PTPRE: variants seen among roughly 807,000 people sequenced by gnomAD.
PTPRE encodes receptor-type tyrosine-protein phosphatase epsilon.
In PTPRE, 51 loss-of-function variants were observed where a neutral mutation model predicts 102.0. That is an observed-to-expected ratio of 0.50 (90% confidence interval 0.40 to 0.63). PTPRE has a LOEUF of 0.63. Among genes scored for constraint, PTPRE ranks in the 30% least tolerant of loss-of-function variants. The pLI is 0.00. For synonymous variants in PTPRE, 345 were observed against 348.2 expected, an observed-to-expected ratio of 0.99 and a Z score of 0.10; for missense variants, 752 against 915.1, an observed-to-expected ratio of 0.82 and a Z score of 2.30.
In PTPRE at chr10:127,907,728, G is replaced by A. The variant is rs371392043; in HGVS notation, c.-31+419G>A. Among the ~76,000 whole-genome samples the A allele has an allele frequency of 6.6e-6, 1 of 152,162 alleles. No homozygotes were observed. Among genetic ancestry groups the A allele is most frequent in the East Asian group, 1.9e-4 (1 of 5,166 alleles). ...GGGCTGCGCCCACTCGAGGCTGGAG[G>A]CTGGAGCCTTTGAAGAAAGTGGCTC... is the stretch of plus-strand genomic sequence containing the variant. On this transcript the variant is annotated intron_variant, in intron 1 of 20. Coordinates refer to ENST00000254667, the MANE Select transcript of PTPRE (RefSeq NM_006504.6). The surrounding 1 kb of genome is among the most constrained non-coding windows in gnomAD (Gnocchi z 4.8).
intron 1 of PTPRE, among the ~76,000 whole-genome samples, chr10:127,943,004 C>T (rs1456321611): frequency 5.3e-5 from 8 of 152,164 alleles, no homozygotes; most frequent in Non-Finnish European, 1.0e-4. Context: ...GCCAGGAAAC[C>T]GGTGACTTTC....
rs1296014254 is a variant in PTPRE at position 128,070,351 on chromosome 10, G to A, written c.1194G>A (p.Gly398=). The A allele has an allele frequency of 3.1e-6, 5 of 1,614,018 alleles. No homozygotes were observed. The Admixed American group carries it at 5.0e-5, about 16-fold the overall frequency. ...YQALLEYYLY[G]DTELDVSSLE... The stretch of plus-strand genomic sequence containing the variant: ...CCTTACTCGAGTACTACCTCTACGG[G>A]GACACAGAGCTGGACGTGTCCTCCC... Residue 398 remains glycine, a synonymous_variant, in exon 14 of 21, where the codon GGG becomes GGA. Transcript: ENST00000254667. The surrounding 1 kb of genome is among the most constrained non-coding windows in gnomAD (Gnocchi z 4.8).
intron 2 of PTPRE, among the ~76,000 whole-genome samples, chr10:128,040,010 C>A (rs1281784575): frequency 6.6e-6 from 1 of 152,176 alleles, no homozygotes; most frequent in Non-Finnish European, 1.5e-5. Context: ...ATGAAAGAGC[C>A]TTTTTCTGTG....
Position 128,049,319 on chromosome 10 carries a change from C to T in PTPRE, c.284-211C>T, listed in dbSNP as rs371667489. Among the ~76,000 whole-genome samples, 324 of 152,204 alleles carry T rather than the reference C, an allele frequency of 2.1e-3. 2 individuals carry two copies. The highest frequency in any genetic ancestry group is 4.0e-3 in the Non-Finnish European group (273 of 68,000). On this transcript the variant is annotated intron_variant, in intron 5 of 20. Coordinates refer to ENST00000254667, the MANE Select transcript of PTPRE (RefSeq NM_006504.6). ...AGGTGACACTGGGCAGAGGGACGCC[C>T]GTCACTTGTAAATGATGTGGATGCC...
chr10:128,032,702 A>G (rs1275416798), intron 2 of PTPRE, among the ~76,000 whole-genome samples: 1 of 152,216 alleles, frequency 6.6e-6, no homozygotes, highest in Non-Finnish European at 1.5e-5. Flanking sequence ...TGCGGCCCAC[A>G]CCATGGCCTG....
At chr10:127,995,873 A>G (rs1853211104) in intron 2 of PTPRE, among the ~76,000 whole-genome samples, 1 of 151,798 alleles carries the variant, frequency 6.6e-6, no homozygotes, top group Admixed American at 6.6e-5. Flanking sequence ...AAAGTATTGG[A>G]GACCACCTTG....
chr10:128,084,396 TATTC>T lies in PTPRE; in HGVS notation c.*1494_*1497del, dbSNP rs898513035. On this transcript the variant is annotated 3_prime_UTR_variant, in exon 21 of 21. Transcript: ENST00000254667. ...CCCTCATGTTGCAGTGTTCGTCCCC[TATTC>T]ATTAACAGTGTGTGCAAATGCAACC... 2.6e-5 allele frequency: 4 copies of T among 152,260 alleles called. No individual in the cohort carries two copies. Among genetic ancestry groups the T allele is most frequent in the Admixed American group, 6.5e-5 (1 of 15,282 alleles). The allele number at this position is 152,260 out of a possible 1,614,324, so 9.4% of individuals were successfully genotyped here. A position where few individuals can be genotyped will look rare whatever the true frequency, so the allele number is the denominator to read the frequency against.
intron 2 of PTPRE, among the ~76,000 whole-genome samples, chr10:128,011,983 G>T (rs1432693662): frequency 6.6e-6 from 1 of 152,214 alleles, no homozygotes; most frequent in African/African-American, 2.4e-5. Context: ...CAGATGACAT[G>T]CCCAGGGTGA....
chr10:128,061,440 G>A (rs893131547), intron 8 of PTPRE, among the ~76,000 whole-genome samples: 3 of 152,180 alleles, frequency 2.0e-5, no homozygotes, highest in Non-Finnish European at 2.9e-5. Context: ...ATGTCTGCAT[G>A]TCTGCTTGTG....
chr10:127,985,898 C>T (rs1012590786), intron 2 of PTPRE, among the ~76,000 whole-genome samples: 9 of 152,260 alleles, frequency 5.9e-5, no homozygotes, highest in South Asian at 4.1e-4. Context: ...CAAGACCAGC[C>T]TGGCCAACAT....
At position 127,907,682 on chromosome 10, in the gene PTPRE, G is replaced by C. The variant is rs1472178435; in HGVS notation, c.-31+373G>C. Reference sequence around the variant, plus strand: ...ACGTGAAAGCGGGCGACACAGAGAGGGGGTGCAGGCCGCGCGTGGGGGGCT... The same window carrying C: ...ACGTGAAAGCGGGCGACACAGAGAGCGGGTGCAGGCCGCGCGTGGGGGGCT... On this transcript the variant is annotated intron_variant, in intron 1 of 20. Transcript: ENST00000254667. The surrounding 1 kb of genome is among the most constrained non-coding windows in gnomAD (Gnocchi z 4.8). Among the ~76,000 whole-genome samples, 8 of 152,134 alleles carry C rather than the reference G, an allele frequency of 5.3e-5. No individual in the cohort carries two copies. Among genetic ancestry groups the C allele is most frequent in the Admixed American group, 4.6e-4 (7 of 15,282 alleles).
chr10:127,951,805 C>T (rs533342511), intron 1 of PTPRE, among the ~76,000 whole-genome samples: 23 of 152,346 alleles, frequency 1.5e-4, no homozygotes, highest in African/African-American at 5.3e-4. Context: ...TTGAAAGATG[C>T]AGGAATGGTG....
chr10:127,945,294 C>T (rs1233623869), intron 1 of PTPRE, among the ~76,000 whole-genome samples: 2 of 152,152 alleles, frequency 1.3e-5, no homozygotes, highest in African/African-American at 4.8e-5. Context: ...GGGTGACTTG[C>T]GGAACTGGCA....
chr10:128,036,008 A>C (rs961523865), intron 2 of PTPRE, among the ~76,000 whole-genome samples: 1 of 152,130 alleles, frequency 6.6e-6, no homozygotes. Flanking sequence ...AGGTCGCTCA[A>C]CCTCAAAATC....
At chr10:127,921,412 T>C (rs1846593505) in intron 1 of PTPRE, among the ~76,000 whole-genome samples, 1 of 152,088 alleles carries the variant, frequency 6.6e-6, no homozygotes, top group African/African-American at 2.4e-5. Context: ...ACACGGCTGC[T>C]GGGGATGGGG....
At chr10:127,928,324 G>C (rs1193485670) in intron 1 of PTPRE, among the ~76,000 whole-genome samples, 1 of 152,098 alleles carries the variant, frequency 6.6e-6, no homozygotes, top group Non-Finnish European at 1.5e-5. Context: ...TTCCTGTCCT[G>C]CTCCCTCTTT....
intron 3 of PTPRE, among the ~76,000 whole-genome samples, chr10:128,041,474 C>T (rs183913832): frequency 3.3e-5 from 5 of 151,796 alleles, no homozygotes; most frequent in Admixed American, 1.3e-4. Context: ...ACGGTGAAAC[C>T]CTGTCTCTAC....
intron 1 of PTPRE, among the ~76,000 whole-genome samples, chr10:127,966,231 G>T (rs1212103737): frequency 6.6e-6 from 1 of 152,192 alleles, no homozygotes; most frequent in African/African-American, 2.4e-5. Context: ...CTACCCCTGA[G>T]GCCAGTGTCC....
chr10:128,065,416 G>A (rs1849994695), intron 10 of PTPRE, among the ~76,000 whole-genome samples: 1 of 152,150 alleles, frequency 6.6e-6, no homozygotes, highest in South Asian at 2.1e-4. Flanking sequence ...TGCTGCGGGC[G>A]GTGCTGCAAA....
Sources: allele counts gnomAD v4.1 joint callset (sites outside exome capture counted in the v4.1 genomes callset), GRCh38; gene constraint gnomAD v4.1.1; non-coding constraint Gnocchi (gnomAD v3.1); transcripts MANE v1.5; gene names NCBI Gene and HGNC (gene_info 2026-07-23, HGNC 2026-07-21).